PHACTR1: variants seen among roughly 807,000 people sequenced by gnomAD.
The protein encoded by PHACTR1 is RPEL repeat containing 1.
In PHACTR1, 16 loss-of-function variants were observed where a neutral mutation model predicts 69.2. The observed-to-expected ratio is 0.23, with a 90% CI of 0.16 to 0.35. The LOEUF is 0.35. PHACTR1 is among the 10% of genes least tolerant of loss of function. PHACTR1 has a pLI of 1.00. For synonymous variants in PHACTR1, 312 were observed against 284.5 expected (o/e 1.10, Z -0.97); for missense variants, 510 against 734.7 (o/e 0.69, Z 3.54).
chr6:12,970,513 T>C (rs1343034753), intron 4 of PHACTR1, among the ~76,000 whole-genome samples: 2 of 152,226 alleles, frequency 1.3e-5, no homozygotes, highest in African/African-American at 4.8e-5. Flanking sequence ...CTCACGCCTG[T>C]AATCCCAGCA....
intron 4 of PHACTR1, among the ~76,000 whole-genome samples, chr6:12,930,387 A>G (rs1241630298): frequency 2.0e-5 from 3 of 152,206 alleles, no homozygotes; most frequent in Admixed American, 6.5e-5. Context: ...TTGGGGATAC[A>G]TGGAAAGAAA....
chr6:13,153,245 C>T (rs983761782), intron 5 of PHACTR1, among the ~76,000 whole-genome samples: 3 of 152,156 alleles, frequency 2.0e-5, no homozygotes, highest in Non-Finnish European at 2.9e-5. Context: ...CAAGAATAGC[C>T]ATGCCTTTTG....
intron 4 of PHACTR1, among the ~76,000 whole-genome samples, chr6:13,038,197 G>T (rs1052518001): frequency 1.5e-4 from 23 of 152,144 alleles, no homozygotes; most frequent in Admixed American, 1.3e-4. Flanking sequence ...TATTTCAGAT[G>T]TGGTAACTTA....
At chr6:13,092,768 A>G (rs1452202740) in intron 5 of PHACTR1, among the ~76,000 whole-genome samples, 1 of 152,242 alleles carries the variant, frequency 6.6e-6, no homozygotes, top group East Asian at 1.9e-4. Flanking sequence ...GTAAAAAAGC[A>G]GAAGGGAACT....
Position 12,723,488 on chromosome 6 carries a change from C to CTT in PHACTR1, c.103+4657_103+4658dup, listed in dbSNP as rs1180252640. Among the ~76,000 whole-genome samples the CTT allele has an allele frequency of 5.2e-3, 665 of 128,108 alleles. 6 individuals are homozygous for CTT. The highest frequency in any genetic ancestry group is 0.017 in the African/African-American group (602 of 34,878). 84.0% of individuals were successfully genotyped at this position (128,108 alleles called of 152,430 possible). On this transcript the variant is annotated intron_variant, in intron 3 of 14. Coordinates refer to ENST00000332995, the MANE Select transcript of PHACTR1 (RefSeq NM_030948.6). ...CCTGGAATCCTTGTTTTGGCCTTTT[C>CTT]TTTTTTTTTTTTTTTTTGAGAGAGA...
chr6:12,932,618 A>G (rs1788992110), intron 4 of PHACTR1, among the ~76,000 whole-genome samples: 1 of 152,248 alleles, frequency 6.6e-6, no homozygotes, highest in South Asian at 2.1e-4. Context: ...ATAAAGACAC[A>G]TTAAATCATT....
intron 4 of PHACTR1, among the ~76,000 whole-genome samples, chr6:12,864,637 G>A (rs759771959): frequency 1.3e-4 from 20 of 151,290 alleles, no homozygotes; most frequent in Middle Eastern, 3.5e-3. Context: ...CTGAGATTGC[G>A]CCACTGAACT....
intron 4 of PHACTR1, among the ~76,000 whole-genome samples, chr6:12,972,831 A>C (rs1456007450): frequency 6.6e-6 from 1 of 151,934 alleles, no homozygotes; most frequent in Non-Finnish European, 1.5e-5. Flanking sequence ...TTGTATTTTC[A>C]GTAGAGACGG....
chr6:13,145,662 G>A (rs1171972496), intron 5 of PHACTR1, among the ~76,000 whole-genome samples: 1 of 152,144 alleles, frequency 6.6e-6, no homozygotes, highest in African/African-American at 2.4e-5. Context: ...TGCAAGAAGA[G>A]ACACCAGAGA....
chr6:13,001,251 C>T (rs1243252243), intron 4 of PHACTR1, among the ~76,000 whole-genome samples: 1 of 152,112 alleles, frequency 6.6e-6, no homozygotes, highest in African/African-American at 2.4e-5. Context: ...AATTCATTTT[C>T]TAAAGAATGA....
chr6:13,097,213 T>A (rs988860659), intron 5 of PHACTR1, among the ~76,000 whole-genome samples: 1 of 152,234 alleles, frequency 6.6e-6, no homozygotes, highest in African/African-American at 2.4e-5. Flanking sequence ...TATTTCTAGA[T>A]CTTCAAATGG....
At chr6:13,057,300 AG>A (rs1806947948) in intron 5 of PHACTR1, among the ~76,000 whole-genome samples, 1 of 152,176 alleles carries the variant, frequency 6.6e-6, no homozygotes, top group South Asian at 2.1e-4. Context: ...AAAAGGAAAA[AG>A]GGGTTCAGGG....
chr6:12,947,310 A>T (rs986000489), intron 4 of PHACTR1, among the ~76,000 whole-genome samples: 2 of 151,108 alleles, frequency 1.3e-5, no homozygotes, highest in African/African-American at 4.9e-5. Flanking sequence ...CTGGCTTCCC[A>T]AGTATAACCT....
intron 4 of PHACTR1, among the ~76,000 whole-genome samples, chr6:12,871,635 T>C (rs577112330): frequency 2.6e-5 from 4 of 152,274 alleles, no homozygotes; most frequent in Non-Finnish European, 5.9e-5. Flanking sequence ...AAGAATACTT[T>C]ATGGGTAGTC....
chr6:13,180,560 C>T (rs1387063097), intron 6 of PHACTR1, among the ~76,000 whole-genome samples: 1 of 152,134 alleles, frequency 6.6e-6, no homozygotes, highest in African/African-American at 2.4e-5. Context: ...TGCATCCTTC[C>T]CCCAAAGAAG....
chr6:13,138,898 TTGTC>T (rs1416528979), intron 5 of PHACTR1, among the ~76,000 whole-genome samples: 1 of 152,230 alleles, frequency 6.6e-6, no homozygotes, highest in Non-Finnish European at 1.5e-5. Flanking sequence ...ATTTTCTTGT[TTGTC>T]AAGTTAAATA....
In PHACTR1 at chr6:13,032,918, T is replaced by G. The variant is rs565318926; in HGVS notation, c.251-20447T>G. Among the ~76,000 whole-genome samples, 12 of 152,324 alleles carry G rather than the reference T, an allele frequency of 7.9e-5. No homozygotes were observed. The South Asian group carries it at 8.3e-4, about 11-fold the overall frequency. On this transcript the variant is annotated intron_variant, in intron 4 of 14. Coordinates refer to ENST00000332995, the MANE Select transcript of PHACTR1 (RefSeq NM_030948.6). ...GCCCAGTGATATGAGAGATGTTTTG[T>G]TATTCTTTTATGTTGTTATTTTTAG...
At chr6:12,734,771 G>A (rs1203047842) in intron 3 of PHACTR1, among the ~76,000 whole-genome samples, 1 of 152,120 alleles carries the variant, frequency 6.6e-6, no homozygotes, top group Non-Finnish European at 1.5e-5. Context: ...TGTTAAGATG[G>A]GGAGAAGGAA....
chr6:12,724,034 A>G lies in PHACTR1; in HGVS notation c.103+5187A>G, dbSNP rs113882399. On this transcript the variant is annotated intron_variant, in intron 3 of 14. Transcript: ENST00000332995. ...ATGGGGAAGATGCAAATGGACTTTT[A>G]AAAAGCACTATGGGCTGGCGCAGTG... Among the ~76,000 whole-genome samples, 986 of 152,318 alleles carry G rather than the reference A, an allele frequency of 6.5e-3. 9 individuals carry two copies. Among genetic ancestry groups the G allele is most frequent in the African/African-American group, 0.022 (928 of 41,578 alleles).
Sources: gnomAD v4.1 joint callset for allele counts (sites outside exome capture counted in the v4.1 genomes callset) on GRCh38, gnomAD v4.1.1 for gene constraint, MANE v1.5 for transcripts, NCBI Gene and HGNC (gene_info 2026-07-23, HGNC 2026-07-21) for gene names.